Variants in KRT16 observed in about 807,000 individuals in gnomAD.
KRT16 encodes the protein keratin 16.
A neutral mutation model predicts 44.8 loss-of-function variants in KRT16; 42 were observed. That is an observed-to-expected ratio of 0.94 (90% CI 0.73 to 1.21). KRT16 has a LOEUF of 1.21. Ranked by LOEUF, KRT16 falls within the 50% of genes most tolerant of loss-of-function variation. The probability of loss-of-function intolerance (pLI) is 0.00; values close to 1 mark genes in which losing one functional copy is unlikely to be tolerated. For synonymous variants in KRT16, 226 were observed against 260.4 expected (o/e 0.87, Z 1.27); for missense variants, 561 against 626.9 (o/e 0.89, Z 1.12).
At position 41,612,538 on chromosome 17, in the gene KRT16, A is replaced by G. The variant is rs766554537; in HGVS notation, c.151T>C (p.Ser51Pro). 1.3e-6 allele frequency: 2 copies of G among 1,596,632 alleles called. No homozygotes were observed. Among genetic ancestry groups the G allele is most frequent in the African/African-American group, 2.7e-5 (2 of 74,468 alleles). Reference protein sequence around the residue: ...RAPSTYGGGLSVSSRFSSGGA... With the variant: ...RAPSTYGGGLPVSSRFSSGGA... ...CCAGAGGAGAAGCGAGAGGAGACAG[A>G]CAGGCCGCCCCCGTAGGTGCTGGGG... The change falls in exon 1 of 8, where the codon TCT (serine) becomes CCT (proline). Residue 51 changes from serine to proline, a missense_variant. By Grantham distance (74) the Ser-to-Pro change is moderately conservative. Coordinates refer to ENST00000301653, the MANE Select transcript of KRT16 (RefSeq NM_005557.4).
chr17:41,609,949 C>CCTAGAGCCTTCAGCT lies in KRT16; in HGVS notation c.1407_1408insAGCTGAAGGCTCTAG (p.Gln469_Gly470insSerTer). On this transcript the variant is annotated stop_gained and inframe_insertion, in exon 8 of 8. Coordinates refer to ENST00000301653, the MANE Select transcript of KRT16 (RefSeq NM_005557.4). LOFTEE classifies it high-confidence loss of function. ...GCAGCTCAGTTCTAGGAGCTCTGGCCCTGGCTGAAGCTGGATGAGCTCTGC... is the reference window on the plus strand; with the variant it reads ...GCAGCTCAGTTCTAGGAGCTCTGGCCCTAGAGCCTTCAGCTCTGGCTGAAGCTGGATGAGCTCTGC... 1 of 1,611,802 alleles carries CCTAGAGCCTTCAGCT rather than the reference C, an allele frequency of 6.2e-7. No individual in the cohort carries two copies. Among genetic ancestry groups the CCTAGAGCCTTCAGCT allele is most frequent in the South Asian group, 1.1e-5 (1 of 90,942 alleles).
rs756111023 is a variant in KRT16 at position 41,612,160 on chromosome 17, T to C, written c.529A>G (p.Lys177Glu). The change falls in exon 1 of 8, where the codon AAG (lysine) becomes GAG (glutamate). Residue 177 changes from lysine to glutamate, a missense_variant and splice_region_variant. By Grantham distance (56) the Lys-to-Glu change is moderately conservative. Coordinates refer to ENST00000301653, the MANE Select transcript of KRT16 (RefSeq NM_005557.4). ...YFKTIEDLRN[K>E]IIAATIENAQ... ...CTCCATACACCAAAGTCACCCACCT[T>C]GTTCCTCAGGTCCTCGATGGTCTTG... is the stretch of plus-strand genomic sequence containing the variant. 4.5e-5 allele frequency: 72 copies of C among 1,612,042 alleles called. No homozygotes were observed. Among genetic ancestry groups the C allele is most frequent in the Non-Finnish European group, 5.9e-5 (70 of 1,179,880 alleles).
At position 41,610,901 on chromosome 17, in the gene KRT16, T is replaced by C; in HGVS notation, c.1012A>G (p.Arg338Gly). 6.2e-7 allele frequency: 1 copy of C among 1,614,112 alleles called. No homozygotes were observed. Among genetic ancestry groups the C allele is most frequent in the South Asian group, 1.1e-5 (1 of 91,078 alleles). Residue 338 changes from arginine (R) to glycine (G), a missense_variant, in exon 5 of 8, where the codon AGG (arginine) becomes GGG (glycine). Transcript: ENST00000301653. Reference sequence around the variant, plus strand: ...TCAATCTCCAGGCCCTGGAGCACCCTCCGGAGCTCCGTCACCTCACTGCGG... The same window carrying C: ...TCAATCTCCAGGCCCTGGAGCACCCCCCGGAGCTCCGTCACCTCACTGCGG... ...SSRSEVTELR[R>G]VLQGLEIELQ...
chr17:41,610,497 G>A lies in KRT16; in HGVS notation c.1114C>T (p.Leu372=). Residue 372 remains leucine, a synonymous_variant, in exon 6 of 8, where the codon CTG becomes TTG. Transcript: ENST00000301653. ...CCAATCAGTCCCTGGATCTGGGACA[G>A]CTGCATGCAGTAGCGGCCTTTGGTC... ...EETKGRYCMQ[L]SQIQGLIGSV... 1 of 1,612,170 alleles carries A rather than the reference G, an allele frequency of 6.2e-7. No homozygotes were observed. Among genetic ancestry groups the A allele is most frequent in the Non-Finnish European group, 8.5e-7 (1 of 1,179,884 alleles).
chr17:41,611,840 G>A, intron 1 of KRT16, 119 bp from the exon 2 acceptor site: 7 of 995,808 alleles, frequency 7.0e-6, no homozygotes, highest in South Asian at 1.4e-5. Context: ...GGCTGGCAGG[G>A]CTGGCATGCC....
rs144914208 is a variant in KRT16 at position 41,611,695 on chromosome 17, C to T, written c.558G>A (p.Ala186=). Reference sequence around the variant, plus strand: ...CATTGTCAATCTGCAAAATGGGCTGCGCATTCTCAATGGTGGCCGCAATGA... The same window carrying T: ...CATTGTCAATCTGCAAAATGGGCTGTGCATTCTCAATGGTGGCCGCAATGA... The part of the protein sequence containing the change: ...NKIIAATIEN[A]QPILQIDNAR... Residue 186 remains alanine (A), a synonymous_variant, in exon 2 of 8, where the codon GCG becomes GCA. Coordinates refer to ENST00000301653, the MANE Select transcript of KRT16 (RefSeq NM_005557.4). 3.8e-3 allele frequency: 6,185 copies of T among 1,611,142 alleles called. 208 individuals carry two copies. In the African/African-American group the frequency reaches 0.072, roughly 19 times the overall value.
At position 41,611,406 on chromosome 17, in the gene KRT16, A is replaced by G. The variant is rs1908192597; in HGVS notation, c.710T>C (p.Leu237Pro). 1 of 1,614,206 alleles carries G rather than the reference A, an allele frequency of 6.2e-7. No homozygotes were observed. Among genetic ancestry groups the G allele is most frequent in the African/African-American group, 1.3e-5 (1 of 75,052 alleles). The change falls in exon 3 of 8, where the codon CTG becomes CCG. Residue 237 changes from leucine to proline, a missense_variant. Coordinates refer to ENST00000301653, the MANE Select transcript of KRT16 (RefSeq NM_005557.4). ...CTTCAGGCCTTCGATCTGCATCTCC[A>G]GGTCAGTCCTGGCCAGGGTCAGCTC... Reference protein sequence around the residue: ...LDELTLARTDLEMQIEGLKEE... With the variant: ...LDELTLARTDPEMQIEGLKEE...
chr17:41,610,353 G>A lies in KRT16; in HGVS notation c.1258C>T (p.Leu420=). ...CACTGGGCATCCTCGCCCTCCAGCA[G>A]GCGGCGGTAGGTGGCAATCTCCTGC... The part of the protein sequence containing the change: ...LEQEIATYRR[L]LEGEDAHLSS... The change falls in exon 6 of 8, where the codon CTG becomes TTG. Residue 420 remains leucine, a synonymous_variant. Transcript: ENST00000301653. 1 of 1,612,776 alleles carries A rather than the reference G, an allele frequency of 6.2e-7. No homozygotes were observed. The highest frequency in any genetic ancestry group is 8.5e-7 in the Non-Finnish European group (1 of 1,179,872).
At position 41,611,727 on chromosome 17, in the gene KRT16, G is replaced by C; in HGVS notation, c.532-6C>G. The C allele has an allele frequency of 1.2e-6, 2 of 1,608,890 alleles. No individual in the cohort carries two copies. The highest frequency in any genetic ancestry group is 1.7e-6 in the Non-Finnish European group (2 of 1,178,346). On this transcript the variant is annotated splice_region_variant and splice_polypyrimidine_tract_variant and intron_variant, in intron 1 of 7. Coordinates refer to ENST00000301653, the MANE Select transcript of KRT16 (RefSeq NM_005557.4). The stretch of plus-strand genomic sequence containing the variant: ...TCAATGGTGGCCGCAATGATCTGGA[G>C]TGGGGATGGAGGACAGGAGCCCTGG...
In KRT16 at chr17:41,610,549, T is replaced by A. The variant is rs59328451; in HGVS notation, c.1062A>T (p.Lys354Asn). The stretch of plus-strand genomic sequence containing the variant: ...CCTCCAGGCTGTTCTCCAGGGATGC[T>A]TTCTGCAAGTGAGAGAGAGAAAAAG... ...EIELQSQLSM[K>N]ASLENSLEET... The change falls in exon 6 of 8, where the codon AAA (lysine) becomes AAT (asparagine). Residue 354 changes from lysine to asparagine, a missense_variant and splice_region_variant. Transcript: ENST00000301653. The A allele has an allele frequency of 1.8e-4, 285 of 1,612,042 alleles. No homozygotes were observed. The African/African-American group carries it at 3.4e-3, about 19-fold the overall frequency.
chr17:41,611,939 G>T, intron 1 of KRT16: 2 of 790,498 alleles, frequency 2.5e-6, no homozygotes, highest in Non-Finnish European at 4.3e-6. Context: ...ACTTGCAGCT[G>T]AACCCTTGAA....
Position 41,609,966 on chromosome 17 carries a change from G to C in KRT16, c.1391C>G (p.Ser464Ter). 3.7e-6 allele frequency: 6 copies of C among 1,611,952 alleles called. No individual in the cohort carries two copies. Among genetic ancestry groups the C allele is most frequent in the Non-Finnish European group, 5.1e-6 (6 of 1,179,834 alleles). Residue 464 changes from serine to a stop codon, truncating the protein, a stop_gained, in exon 8 of 8, where the codon TCA becomes TGA. Coordinates refer to ENST00000301653, the MANE Select transcript of KRT16 (RefSeq NM_005557.4). LOFTEE classifies it high-confidence loss of function. Reference protein sequence around the residue: ...QTRPILKEQSSSSFSQGQSS With the variant: ...QTRPILKEQS Reference sequence around the variant, plus strand: ...GCTCTGGCCCTGGCTGAAGCTGGATGAGCTCTGCTCCTTGAGGATGGGCCG... The same window carrying C: ...GCTCTGGCCCTGGCTGAAGCTGGATCAGCTCTGCTCCTTGAGGATGGGCCG...
In KRT16 at chr17:41,610,194, G is replaced by T. The variant is rs367591548; in HGVS notation, c.1323C>A (p.Arg441=). 1 of 1,613,956 alleles carries T rather than the reference G, an allele frequency of 6.2e-7. No homozygotes were observed. Residue 441 remains arginine, a synonymous_variant, in exon 7 of 8, where the codon CGC becomes CGA. Transcript: ENST00000301653. ...QQASGQSYSS[R]EVFTSSSSSS... ...GGGGAGCCTCAGAAGCCTTACCCTC[G>T]CGGGAAGAATAGGATTGGCCAGATG...
At position 41,610,081 on chromosome 17, in the gene KRT16, C is replaced by T. The variant is rs774939371; in HGVS notation, c.1328-52G>A. 7 of 1,579,044 alleles carry T rather than the reference C, an allele frequency of 4.4e-6. No homozygotes were observed. The African/African-American group carries it at 6.7e-5, about 15-fold the overall frequency. ...AAGGGGTCTGAGAGCTAAGCTGACTCCAGGGCAGGGAGAAGGGAGGGCTGG... is the reference window on the plus strand; with the variant it reads ...AAGGGGTCTGAGAGCTAAGCTGACTTCAGGGCAGGGAGAAGGGAGGGCTGG... On this transcript the variant is annotated intron_variant, in intron 7 of 7. Coordinates refer to ENST00000301653, the MANE Select transcript of KRT16 (RefSeq NM_005557.4).
At chr17:41,610,090 G>A in intron 7 of KRT16, 61 bp from the exon 8 acceptor site, 3 of 1,578,700 alleles carry the variant, frequency 1.9e-6, no homozygotes, top group Admixed American at 1.7e-5. Context: ...TCCAGGGCAG[G>A]GAGAAGGGAG....
chr17:41,611,875 G>A (rs151173708), intron 1 of KRT16, 154 bp from the exon 2 acceptor site: 2 of 821,290 alleles, frequency 2.4e-6, no homozygotes, highest in Non-Finnish European at 4.1e-6. Context: ...AGGCTACGTA[G>A]GGATGCACTC....
Position 41,610,856 on chromosome 17 carries a change from T to C in KRT16, c.1057A>G (p.Met353Val). 1 of 1,613,942 alleles carries C rather than the reference T, an allele frequency of 6.2e-7. No individual in the cohort carries two copies. The highest frequency in any genetic ancestry group is 8.5e-7 in the Non-Finnish European group (1 of 1,180,032). The change falls in exon 5 of 8, where the codon ATG becomes GTG. Residue 353 changes from methionine to valine, a missense_variant and splice_region_variant. Met to Val is a conservative substitution (Grantham distance 21). Coordinates refer to ENST00000301653, the MANE Select transcript of KRT16 (RefSeq NM_005557.4). ...LEIELQSQLS[M>V]KASLENSLEE... ...CTGCTGTGCTGGGTCCTTCATACCATGCTGAGCTGGGACTGCAGCTCAATC... is the reference window on the plus strand; with the variant it reads ...CTGCTGTGCTGGGTCCTTCATACCACGCTGAGCTGGGACTGCAGCTCAATC...
chr17:41,612,009 C>T lies in KRT16; in HGVS notation c.531+149G>A, dbSNP rs186018146. 4.0e-3 allele frequency: 4,140 copies of T among 1,028,778 alleles called. 15 individuals are homozygous for T. Among genetic ancestry groups the T allele is most frequent in the Non-Finnish European group, 5.6e-3 (3,669 of 655,050 alleles). The allele number at this position is 1,028,778 out of a possible 1,614,324, so 63.7% of individuals were successfully genotyped here. On this transcript the variant is annotated intron_variant, in intron 1 of 7. Transcript: ENST00000301653. The stretch of plus-strand genomic sequence containing the variant: ...GGGCACAGAGATACTGAAAAGGGAC[C>T]CTCTGCTACCACTTCCCTGGGTGAT...
At chr17:41,611,871 C>T (rs1229948584) in intron 1 of KRT16, 150 bp from the exon 2 acceptor site, 10 of 831,052 alleles carry the variant, frequency 1.2e-5, no homozygotes, top group South Asian at 5.9e-5. Flanking sequence ...GCTCAGGCTA[C>T]GTAGGGATGC....
Sources: allele counts gnomAD v4.1 joint callset, GRCh38; gene constraint gnomAD v4.1.1; transcripts MANE v1.5; gene names NCBI Gene and HGNC (gene_info 2026-07-23, HGNC 2026-07-21).